The following L3MBTL4 variants were observed in gnomAD, a reference collection of about 807,000 sequenced individuals.
L3MBTL4 encodes L3MBTL histone methyl-lysine binding protein 4, also known as lethal(3)malignant brain tumor-like protein 4.
L3MBTL4 carries 70 observed loss-of-function variants against 84.5 expected under a neutral mutation model. The observed-to-expected ratio is 0.83, with a 90% CI of 0.68 to 1.01. L3MBTL4 has a LOEUF of 1.01. Among genes scored for constraint, L3MBTL4 ranks in the 50% least tolerant of loss-of-function variants. The pLI, the probability that L3MBTL4 is intolerant of heterozygous loss-of-function variation, is 0.00. For missense variants in L3MBTL4, 715 were observed against 754.8 expected (o/e 0.95, Z 0.62); for synonymous variants, 274 against 259.8 (o/e 1.05, Z -0.52).
chr18:6,045,015 C>G (rs1209947478), intron 16 of L3MBTL4, among the ~76,000 whole-genome samples: 1 of 152,214 alleles, frequency 6.6e-6, no homozygotes, highest in Non-Finnish European at 1.5e-5. Context: ...AGCTCATAAG[C>G]CTTGCATCCT....
intron 1 of L3MBTL4, among the ~76,000 whole-genome samples, chr18:6,352,604 T>C (rs982986471): frequency 3.3e-5 from 5 of 152,224 alleles, no homozygotes; most frequent in African/African-American, 1.2e-4. Context: ...CCCCACATTA[T>C]GAGTCCTGCC....
rs566995815 is a variant in L3MBTL4 at position 6,135,773 on chromosome 18, G to T, written c.1199+2421C>A. 2.6e-5 allele frequency among the ~76,000 whole-genome samples: 4 copies of T among 152,266 alleles called. No individual in the cohort carries two copies. The South Asian group carries it at 8.3e-4, about 32-fold the overall frequency. ...GTTCCAAACTTTACCACATTTTCCTGTCTTCTTCTGAGCCCTCCAAACTGT... is the reference window on the plus strand; with the variant it reads ...GTTCCAAACTTTACCACATTTTCCTTTCTTCTTCTGAGCCCTCCAAACTGT... On this transcript the variant is annotated intron_variant, in intron 14 of 18. Transcript: ENST00000317931.
chr18:6,021,751 C>T (rs891445174), intron 16 of L3MBTL4, among the ~76,000 whole-genome samples: 1 of 152,098 alleles, frequency 6.6e-6, no homozygotes, highest in African/African-American at 2.4e-5. Context: ...GGTCCCAGTT[C>T]TCCTGGTGCA....
chr18:6,300,786 A>G (rs2050306468), intron 4 of L3MBTL4, among the ~76,000 whole-genome samples: 1 of 152,204 alleles, frequency 6.6e-6, no homozygotes, highest in Admixed American at 6.5e-5. Context: ...CTGAGAAGAA[A>G]AAAATTGTTT....
At chr18:6,108,413 T>G (rs1379480124) in intron 14 of L3MBTL4, among the ~76,000 whole-genome samples, 1 of 152,142 alleles carries the variant, frequency 6.6e-6, no homozygotes, top group Non-Finnish European at 1.5e-5. Flanking sequence ...CAGTTGCATG[T>G]GTTGTTGGCA....
chr18:6,162,600 A>C (rs1252437023), intron 13 of L3MBTL4, among the ~76,000 whole-genome samples: 1 of 152,216 alleles, frequency 6.6e-6, no homozygotes, highest in African/African-American at 2.4e-5. Context: ...ATGAGTAAAT[A>C]AGATTAACCC....
chr18:6,128,106 A>G (rs190568548), intron 14 of L3MBTL4, among the ~76,000 whole-genome samples: 10 of 152,184 alleles, frequency 6.6e-5, no homozygotes, highest in Non-Finnish European at 1.3e-4. Context: ...AAGAAAAGCT[A>G]CACAATCTAT....
chr18:6,299,656 G>T (rs569854911), intron 4 of L3MBTL4, among the ~76,000 whole-genome samples: 171 of 151,294 alleles, frequency 1.1e-3, no homozygotes, highest in African/African-American at 3.3e-3. Flanking sequence ...AAGAATTAAG[G>T]TTTATTTTGC....
intron 12 of L3MBTL4, among the ~76,000 whole-genome samples, chr18:6,181,971 T>TG (rs1289575917): frequency 6.6e-6 from 1 of 152,194 alleles, no homozygotes; most frequent in African/African-American, 2.4e-5. Flanking sequence ...GTGATGAACA[T>TG]GCACTTGCAT....
Position 6,034,467 on chromosome 18 carries a change from C to G in L3MBTL4, c.1444+46414G>C, listed in dbSNP as rs8087445. Among the ~76,000 whole-genome samples, 237 of 152,112 alleles carry G rather than the reference C, an allele frequency of 1.6e-3. 1 individual carries two copies. Among genetic ancestry groups the G allele is most frequent in the African/African-American group, 5.5e-3 (230 of 41,492 alleles). ...GCAATTTCATCCCTGTCCCTACAAA[C>G]GACATGAACTCATCATTTTTTATGG... On this transcript the variant is annotated intron_variant, in intron 16 of 18. Transcript: ENST00000317931.
intron 16 of L3MBTL4, among the ~76,000 whole-genome samples, chr18:5,983,271 C>T (rs531840211): frequency 4.6e-5 from 7 of 152,300 alleles, no homozygotes; most frequent in East Asian, 3.9e-4. Context: ...TTTCTCTACA[C>T]GGCTACTTTC....
At chr18:6,278,046 A>G (rs1253175220) in intron 4 of L3MBTL4, among the ~76,000 whole-genome samples, 1 of 152,070 alleles carries the variant, frequency 6.6e-6, no homozygotes, top group Non-Finnish European at 1.5e-5. Flanking sequence ...AAACACATAT[A>G]TATGTATTTT....
chr18:6,213,088 G>T (rs2046178495), intron 12 of L3MBTL4, 61 bp downstream of exon 12: 1 of 921,312 alleles, frequency 1.1e-6, no homozygotes, highest in Non-Finnish European at 1.6e-6. Context: ...GGAGGGTAGA[G>T]GAAACAAAAG....
At chr18:5,994,770 T>C (rs2053872379) in intron 16 of L3MBTL4, among the ~76,000 whole-genome samples, 1 of 152,182 alleles carries the variant, frequency 6.6e-6, no homozygotes, top group South Asian at 2.1e-4. Flanking sequence ...CTCCTTAGAC[T>C]GAAGTAAAAC....
intron 10 of L3MBTL4, among the ~76,000 whole-genome samples, chr18:6,234,602 C>T (rs2047138211): frequency 6.6e-6 from 1 of 152,166 alleles, no homozygotes; most frequent in African/African-American, 2.4e-5. Flanking sequence ...AAATGCAAAT[C>T]AAAACCGCAA....
At chr18:6,093,767 T>C (rs1163733861) in intron 14 of L3MBTL4, among the ~76,000 whole-genome samples, 1 of 152,226 alleles carries the variant, frequency 6.6e-6, no homozygotes, top group Non-Finnish European at 1.5e-5. Flanking sequence ...ACATACGGCA[T>C]TTATAATTTT....
chr18:6,025,943 CT>C (rs2055485428), intron 16 of L3MBTL4, among the ~76,000 whole-genome samples: 1 of 152,194 alleles, frequency 6.6e-6, no homozygotes, highest in Non-Finnish European at 1.5e-5. Context: ...TTGGGGACCC[CT>C]GTTCTAAAAT....
At chr18:5,962,998 G>A (rs2052137775) in intron 17 of L3MBTL4, among the ~76,000 whole-genome samples, 1 of 152,184 alleles carries the variant, frequency 6.6e-6, no homozygotes, top group South Asian at 2.1e-4. Context: ...AATGCCCCTG[G>A]GGGGCAACAT....
intron 16 of L3MBTL4, among the ~76,000 whole-genome samples, chr18:6,035,835 A>T (rs1278144571): frequency 6.6e-6 from 1 of 152,176 alleles, no homozygotes; most frequent in Non-Finnish European, 1.5e-5. Context: ...CCACAAGAGA[A>T]AGCAGGAAAG....
Sources: gnomAD v4.1 joint callset for allele counts (sites outside exome capture counted in the v4.1 genomes callset) on GRCh38, gnomAD v4.1.1 for gene constraint, MANE v1.5 for transcripts, NCBI Gene and HGNC (gene_info 2026-07-23, HGNC 2026-07-21) for gene names.